Variants in BTBD9 observed in about 807,000 individuals in gnomAD.
The protein encoded by BTBD9 is BTB domain containing 9.
BTBD9 carries 49 observed loss-of-function variants against 64.3 expected under a neutral mutation model. That is an observed-to-expected ratio of 0.76 (90% CI 0.61 to 0.97). The LOEUF is 0.97. Ranked by LOEUF, BTBD9 falls within the 50% of genes least tolerant of loss-of-function variation. The pLI is 0.00. For missense variants in BTBD9, 598 were observed against 762.1 expected, an observed-to-expected ratio of 0.78 and a Z score of 2.53; for synonymous variants, 260 against 274.7, an observed-to-expected ratio of 0.95 and a Z score of 0.53.
At chr6:38,615,513 C>T (rs1310446342) in intron 1 of BTBD9, among the ~76,000 whole-genome samples, 2 of 152,164 alleles carry the variant, frequency 1.3e-5, no homozygotes, top group Non-Finnish European at 2.9e-5. Flanking sequence ...GTTCCTTAAA[C>T]ACAGTCAAAG....
chr6:38,173,023 T>C lies in BTBD9; in HGVS notation c.*1962A>G, dbSNP rs762487884. 6.6e-6 allele frequency: 1 copy of C among 152,292 alleles called. No homozygotes were observed. Among genetic ancestry groups the C allele is most frequent in the Non-Finnish European group, 1.5e-5 (1 of 68,072 alleles). 9.4% of individuals were successfully genotyped at this position (152,292 alleles called of 1,614,324 possible). A position where few individuals can be genotyped will look rare whatever the true frequency, so the allele number is the denominator to read the frequency against. ...AGCATGCTGCTTCAGGCCAAGGGCC[T>C]CTGGGCAGGTGATGCCCATGTTTAA... On this transcript the variant is annotated 3_prime_UTR_variant, in exon 11 of 11. Coordinates refer to ENST00000481247, the MANE Select transcript of BTBD9 (RefSeq NM_001099272.2).
chr6:38,481,117 G>T (rs550642750), intron 6 of BTBD9, among the ~76,000 whole-genome samples: 2 of 150,060 alleles, frequency 1.3e-5, no homozygotes, highest in African/African-American at 5.1e-5. Flanking sequence ...AAACAGAAAG[G>T]TTTATTCTAA....
chr6:38,438,140 T>C (rs377392155), intron 6 of BTBD9, among the ~76,000 whole-genome samples: 97 of 148,592 alleles, frequency 6.5e-4, no homozygotes, highest in African/African-American at 2.1e-3. Context: ...AGAATACTAC[T>C]ACTTGATTCA....
intron 6 of BTBD9, among the ~76,000 whole-genome samples, chr6:38,511,821 G>C (rs1179369602): frequency 6.6e-6 from 1 of 152,168 alleles, no homozygotes; most frequent in Non-Finnish European, 1.5e-5. Context: ...ATGACAGGAA[G>C]GGCGTTTCAA....
chr6:38,603,103 A>G (rs1422043919), intron 1 of BTBD9, among the ~76,000 whole-genome samples: 2 of 152,182 alleles, frequency 1.3e-5, no homozygotes, highest in African/African-American at 4.8e-5. Context: ...GTATTCACTC[A>G]AACTGTTGCC....
At chr6:38,313,788 C>T (rs1315466935) in intron 7 of BTBD9, among the ~76,000 whole-genome samples, 3 of 141,886 alleles carry the variant, frequency 2.1e-5, no homozygotes, top group Admixed American at 7.3e-5. Flanking sequence ...CTCACTCCGT[C>T]GTCCAGGCTG....
chr6:38,418,232 A>G (rs528748824), intron 6 of BTBD9, among the ~76,000 whole-genome samples: 11 of 152,346 alleles, frequency 7.2e-5, no homozygotes, highest in Admixed American at 3.9e-4. Flanking sequence ...CTGACTCTAA[A>G]TACAGGAATA....
At chr6:38,384,045 G>A (rs918270464) in intron 6 of BTBD9, among the ~76,000 whole-genome samples, 9 of 152,066 alleles carry the variant, frequency 5.9e-5, no homozygotes, top group Non-Finnish European at 8.8e-5. Context: ...CATAGGGCTC[G>A]GTGGGAAAAC....
Position 38,529,780 on chromosome 6 carries a change from G to A in BTBD9, c.1154+47820C>T, listed in dbSNP as rs536079736. Among the ~76,000 whole-genome samples the A allele has an allele frequency of 1.4e-3, 208 of 152,286 alleles. 1 individual carries two copies. Among genetic ancestry groups the A allele is most frequent in the Middle Eastern group, 3.4e-3 (1 of 294 alleles). On this transcript the variant is annotated intron_variant, in intron 6 of 10. Transcript: ENST00000481247. ...ATGTACGTCACCTCAGGACCACTAT[G>A]ATAATTGTGTTAACTGTACAAATTG...
intron 6 of BTBD9, among the ~76,000 whole-genome samples, chr6:38,467,195 C>T (rs991557084): frequency 6.6e-6 from 1 of 152,106 alleles, no homozygotes; most frequent in South Asian, 2.1e-4. Flanking sequence ...TTCCTAAAAC[C>T]ACAGAGAAAG....
chr6:38,328,790 A>G (rs988374585), intron 7 of BTBD9, among the ~76,000 whole-genome samples: 1 of 151,936 alleles, frequency 6.6e-6, no homozygotes, highest in Non-Finnish European at 1.5e-5. Context: ...CATTAAAAAT[A>G]CAAAAAATTA....
chr6:38,581,468 A>G (rs16890826), intron 4 of BTBD9, among the ~76,000 whole-genome samples: 1 of 152,110 alleles, frequency 6.6e-6, no homozygotes, highest in South Asian at 2.1e-4. Flanking sequence ...CATCAAAATC[A>G]GTATTATGGT....
At chr6:38,246,851 A>G (rs1417033583) in intron 9 of BTBD9, among the ~76,000 whole-genome samples, 2 of 152,198 alleles carry the variant, frequency 1.3e-5, no homozygotes, top group Non-Finnish European at 2.9e-5. Context: ...CCAATATGGG[A>G]TTTATGCGAC....
rs771737210 is a variant in BTBD9, at chr6:38,222,254, G to GTTTTTTTTTTTTTTTTTTTTTT, written c.1563-29658_1563-29657insAAAAAAAAAAAAAAAAAAAAAA. 1.4e-4 allele frequency among the ~76,000 whole-genome samples: 14 copies of GTTTTTTTTTTTTTTTTTTTTTT among 96,702 alleles called. 7 individuals are homozygous for GTTTTTTTTTTTTTTTTTTTTTT. Among genetic ancestry groups the GTTTTTTTTTTTTTTTTTTTTTT allele is most frequent in the African/African-American group, 1.6e-4 (4 of 24,656 alleles). 63.4% of individuals were successfully genotyped at this position (96,702 alleles called of 152,430 possible). Reference sequence around the variant, plus strand: ...TAAATTAGCCTTAATAATTCATTCAGTTGTTTTTTTTTTTTTTTTTTTTTT... The same window carrying GTTTTTTTTTTTTTTTTTTTTTT: ...TAAATTAGCCTTAATAATTCATTCAGTTTTTTTTTTTTTTTTTTTTTTTTGTTTTTTTTTTTTTTTTTTTTTT... On this transcript the variant is annotated intron_variant, in intron 9 of 10. Coordinates refer to ENST00000481247, the MANE Select transcript of BTBD9 (RefSeq NM_001099272.2).
chr6:38,322,199 A>G (rs942761689), intron 7 of BTBD9, among the ~76,000 whole-genome samples: 1 of 152,050 alleles, frequency 6.6e-6, no homozygotes, highest in African/African-American at 2.4e-5. Context: ...CAGCCAAGCT[A>G]TATCCCTTCT....
intron 6 of BTBD9, among the ~76,000 whole-genome samples, chr6:38,518,933 C>T (rs573899188): frequency 6.6e-6 from 1 of 151,864 alleles, no homozygotes. Context: ...AGTGATATAC[C>T]AATTAAAGAA....
In BTBD9 at chr6:38,430,723, C is replaced by G. The variant is rs1230849354; in HGVS notation, c.1155-85630G>C. On this transcript the variant is annotated intron_variant, in intron 6 of 10. Coordinates refer to ENST00000481247, the MANE Select transcript of BTBD9 (RefSeq NM_001099272.2). Reference sequence around the variant, plus strand: ...AGAGACAGGGTCTCCCTATGTTGACCAGGCTGGTCTCGAACTCCTGGACTC... The same window carrying G: ...AGAGACAGGGTCTCCCTATGTTGACGAGGCTGGTCTCGAACTCCTGGACTC... Among the ~76,000 whole-genome samples, 8 of 151,848 alleles carry G rather than the reference C, an allele frequency of 5.3e-5. No individual in the cohort carries two copies. In the South Asian group the frequency reaches 1.5e-3, roughly 28 times the overall value.
intron 6 of BTBD9, among the ~76,000 whole-genome samples, chr6:38,550,876 G>A (rs192269657): frequency 3.3e-5 from 5 of 152,164 alleles, no homozygotes; most frequent in African/African-American, 1.2e-4. Flanking sequence ...TCAACCAAGC[G>A]CTCTGCAACC....
intron 1 of BTBD9, among the ~76,000 whole-genome samples, chr6:38,603,560 A>C (rs1309370318): frequency 1.3e-5 from 2 of 152,232 alleles, no homozygotes; most frequent in African/African-American, 2.4e-5. Flanking sequence ...CTTAAAGCTC[A>C]CTTATACAAC....
Sources: allele counts gnomAD v4.1 joint callset (sites outside exome capture counted in the v4.1 genomes callset), GRCh38; gene constraint gnomAD v4.1.1; transcripts MANE v1.5; gene names NCBI Gene and HGNC (gene_info 2026-07-23, HGNC 2026-07-21).